The following DAPK1 variants were observed in gnomAD, a reference collection of about 807,000 sequenced individuals.
DAPK1 encodes the protein death associated protein kinase 1.
DAPK1 carries 56 observed loss-of-function variants against 144.9 expected under a neutral mutation model. That is an observed-to-expected ratio of 0.39 (90% CI 0.31 to 0.48). The LOEUF (loss-of-function observed/expected upper bound fraction) is 0.48. Ranked by LOEUF, DAPK1 falls within the 20% of genes least tolerant of loss-of-function variation. DAPK1 has a pLI of 0.95. For synonymous variants in DAPK1, 690 were observed against 749.0 expected (o/e 0.92, Z 1.29); for missense variants, 1,454 against 1,875.4 (o/e 0.78, Z 4.15).
Position 87,587,092 on chromosome 9 carries a change from G to A in DAPK1, c.63-17862G>A, listed in dbSNP as rs36205101. On this transcript the variant is annotated intron_variant, in intron 2 of 25. Coordinates refer to ENST00000408954, the MANE Select transcript of DAPK1 (RefSeq NM_004938.4). ...ACCTAAAGGTGAGATTCGGAAGCAGGAGATGTGTTCTAATCGCTGTACAGG... is the reference window on the plus strand; with the variant it reads ...ACCTAAAGGTGAGATTCGGAAGCAGAAGATGTGTTCTAATCGCTGTACAGG... Among the ~76,000 whole-genome samples, 457 of 152,340 alleles carry A rather than the reference G, an allele frequency of 3.0e-3. 1 individual carries two copies. The highest frequency in any genetic ancestry group is 0.01 in the African/African-American group (436 of 41,578).
chr9:87,522,296 A>T (rs1385098219), intron 2 of DAPK1, among the ~76,000 whole-genome samples: 1 of 152,228 alleles, frequency 6.6e-6, no homozygotes, highest in Non-Finnish European at 1.5e-5. Context: ...CAAAGACAGT[A>T]TCTTGCCCTC....
intron 19 of DAPK1, among the ~76,000 whole-genome samples, chr9:87,669,769 G>GC (rs1018655550): frequency 4.6e-5 from 7 of 151,776 alleles, no homozygotes; most frequent in Admixed American, 6.6e-5. Context: ...GGGGCAGGGG[G>GC]GGGCCACAGA....
At position 87,571,493 on chromosome 9, in the gene DAPK1, A is replaced by ACCC. The variant is rs142493842; in HGVS notation, c.63-33459_63-33457dup. ...CACACACCAACACACACACACACACACCCCAACACACACACACACACACAC... is the reference window on the plus strand; with the variant it reads ...CACACACCAACACACACACACACACACCCCCCCAACACACACACACACACACAC... On this transcript the variant is annotated intron_variant, in intron 2 of 25. Coordinates refer to ENST00000408954, the MANE Select transcript of DAPK1 (RefSeq NM_004938.4). Among the ~76,000 whole-genome samples the ACCC allele has an allele frequency of 1.8e-3, 85 of 47,036 alleles. 3 individuals carry two copies. Among genetic ancestry groups the ACCC allele is most frequent in the Middle Eastern group, 0.018 (2 of 114 alleles). The allele number at this position is 47,036 out of a possible 152,430, so 30.9% of individuals were successfully genotyped here. A position where few individuals can be genotyped will look rare whatever the true frequency, so the allele number is the denominator to read the frequency against.
chr9:87,665,778 C>T (rs563444458), intron 18 of DAPK1, among the ~76,000 whole-genome samples: 1 of 152,326 alleles, frequency 6.6e-6, no homozygotes, highest in Non-Finnish European at 1.5e-5. Context: ...TCACTGCCCA[C>T]AGTCTAGAAT....
chr9:87,574,657 C>T (rs985175374), intron 2 of DAPK1, among the ~76,000 whole-genome samples: 2 of 152,186 alleles, frequency 1.3e-5, no homozygotes, highest in Non-Finnish European at 2.9e-5. Flanking sequence ...CGGTGGCTCC[C>T]GCCTGTAATC....
chr9:87,521,141 T>C (rs535781657), intron 2 of DAPK1, among the ~76,000 whole-genome samples: 50 of 152,370 alleles, frequency 3.3e-4, no homozygotes, highest in African/African-American at 1.2e-3. Flanking sequence ...CTGATTGCAA[T>C]AGTGCTAGCT....
chr9:87,498,023 C>A lies in DAPK1; in HGVS notation c.-193C>A. The stretch of plus-strand genomic sequence containing the variant: ...CACTCCCTAGCTGTGTTCCCGCCGC[C>A]GCCCCGGCTAGTCTCCGGCGCTGGC... On this transcript the variant is annotated 5_prime_UTR_variant, in exon 1 of 26. Transcript: ENST00000408954. 1 of 397,804 alleles carries A rather than the reference C, an allele frequency of 2.5e-6. No homozygotes were observed. Among genetic ancestry groups the A allele is most frequent in the Non-Finnish European group, 4.4e-6 (1 of 225,668 alleles). 24.6% of individuals were successfully genotyped at this position (397,804 alleles called of 1,614,324 possible).
chr9:87,684,585 ACTCAG>A (rs1402557777), intron 20 of DAPK1, among the ~76,000 whole-genome samples: 1 of 152,012 alleles, frequency 6.6e-6, no homozygotes, highest in Non-Finnish European at 1.5e-5. Context: ...TGCACACATC[ACTCAG>A]CTGTGGGGAC....
intron 3 of DAPK1, among the ~76,000 whole-genome samples, chr9:87,617,828 C>T (rs933026546): frequency 1.3e-5 from 2 of 152,168 alleles, no homozygotes; most frequent in Admixed American, 1.3e-4. Context: ...ATAGCATTCC[C>T]TCCATAGTCC....
chr9:87,583,206 C>T (rs180775706), intron 2 of DAPK1, among the ~76,000 whole-genome samples: 1 of 152,034 alleles, frequency 6.6e-6, no homozygotes, highest in Non-Finnish European at 1.5e-5. Context: ...ATTACAGATT[C>T]CCCCTTTATT....
At chr9:87,523,509 A>C (rs1162321218) in intron 2 of DAPK1, among the ~76,000 whole-genome samples, 1 of 152,188 alleles carries the variant, frequency 6.6e-6, no homozygotes, top group Non-Finnish European at 1.5e-5. Context: ...CATGTTGCTG[A>C]GGCTGGTCTC....
At chr9:87,505,728 T>C (rs142924229) in intron 2 of DAPK1, among the ~76,000 whole-genome samples, 69 of 152,214 alleles carry the variant, frequency 4.5e-4, no homozygotes, top group South Asian at 1.2e-3. Context: ...CTTGCTCTGT[T>C]GCCCAGGCTA....
chr9:87,607,814 G>C (rs1828786488), intron 3 of DAPK1, among the ~76,000 whole-genome samples: 2 of 152,122 alleles, frequency 1.3e-5, no homozygotes, highest in South Asian at 4.1e-4. Context: ...CCCTGAGCTG[G>C]TCTTCATCAC....
chr9:87,547,066 A>G (rs931474203), intron 2 of DAPK1, among the ~76,000 whole-genome samples: 1 of 152,130 alleles, frequency 6.6e-6, no homozygotes, highest in Non-Finnish European at 1.5e-5. Context: ...CTGAGGTGGG[A>G]GGATGCTTTA....
chr9:87,590,948 A>G (rs1001294763), intron 2 of DAPK1, among the ~76,000 whole-genome samples: 8 of 152,282 alleles, frequency 5.3e-5, no homozygotes, highest in East Asian at 1.9e-4. Context: ...CAGTTTCCCA[A>G]TTTTTAGAAA....
chr9:87,690,130 A>G (rs1825004263), intron 21 of DAPK1, among the ~76,000 whole-genome samples: 1 of 152,088 alleles, frequency 6.6e-6, no homozygotes, highest in Non-Finnish European at 1.5e-5. Flanking sequence ...TTCTTCCAAT[A>G]TATGACCACA....
At chr9:87,601,925 C>T (rs1318163446) in intron 2 of DAPK1, among the ~76,000 whole-genome samples, 1 of 152,170 alleles carries the variant, frequency 6.6e-6, no homozygotes, top group Non-Finnish European at 1.5e-5. Context: ...AGCATATGTG[C>T]ATTGTGCATG....
intron 2 of DAPK1, among the ~76,000 whole-genome samples, chr9:87,581,455 T>C (rs1393307746): frequency 6.6e-6 from 1 of 152,214 alleles, no homozygotes; most frequent in Non-Finnish European, 1.5e-5. Flanking sequence ...TAATTTTACT[T>C]ACAACAATAT....
At chr9:87,628,016 G>A (rs936236944) in intron 3 of DAPK1, among the ~76,000 whole-genome samples, 2 of 152,182 alleles carry the variant, frequency 1.3e-5, no homozygotes, top group Admixed American at 6.5e-5. Flanking sequence ...CACAGAGCCC[G>A]ATGCAAACCA....
Sources: allele counts gnomAD v4.1 joint callset (sites outside exome capture counted in the v4.1 genomes callset), GRCh38; gene constraint gnomAD v4.1.1; transcripts MANE v1.5; gene names NCBI Gene and HGNC (gene_info 2026-07-23, HGNC 2026-07-21).